PDS5A: variants seen among roughly 807,000 people sequenced by gnomAD.
PDS5A encodes sister chromatid cohesion protein PDS5 homolog A.
In PDS5A, 42 loss-of-function variants were observed where a neutral mutation model predicts 167.1. The ratio of observed to expected loss-of-function variants is 0.25; its 90% confidence interval spans 0.20 to 0.33. The LOEUF (loss-of-function observed/expected upper bound fraction) is 0.33. PDS5A is among the 10% of genes least tolerant of loss of function. PDS5A has a pLI of 1.00. For synonymous variants in PDS5A, 553 were observed against 554.6 expected, an observed-to-expected ratio of 1.00 and a Z score of 0.04; for missense variants, 1,033 against 1,605.9, an observed-to-expected ratio of 0.64 and a Z score of 6.10.
At chr4:39,972,258 A>G (rs1730618146) in intron 2 of PDS5A, among the ~76,000 whole-genome samples, 1 of 152,198 alleles carries the variant, frequency 6.6e-6, no homozygotes, top group East Asian at 1.9e-4. Context: ...GCGGTGGCTC[A>G]CGCCTGTAAT....
intron 2 of PDS5A, among the ~76,000 whole-genome samples, chr4:39,938,373 G>A (rs1264078918): frequency 6.6e-6 from 1 of 152,060 alleles, no homozygotes; most frequent in East Asian, 1.9e-4. Context: ...TGGCCAACAT[G>A]GTGAAAACCC....
At chr4:39,972,042 GTTGA>G (rs1730595771) in intron 2 of PDS5A, among the ~76,000 whole-genome samples, 1 of 152,126 alleles carries the variant, frequency 6.6e-6, no homozygotes, top group Non-Finnish European at 1.5e-5. Flanking sequence ...ATTGAAGTTG[GTTGA>G]TATGAACGTC....
chr4:39,947,611 TAAAAC>T (rs1727901626), intron 2 of PDS5A, among the ~76,000 whole-genome samples: 1 of 152,246 alleles, frequency 6.6e-6, no homozygotes. Context: ...CTAATAACCT[TAAAAC>T]AAACAAAAAA....
intron 21 of PDS5A, among the ~76,000 whole-genome samples, chr4:39,872,207 G>C: frequency 8.3e-6 from 1 of 120,390 alleles, no homozygotes. Context: ...ACAGAGTTTC[G>C]CTCTTGTTGT....
chr4:39,914,505 G>A (rs967568118), intron 8 of PDS5A, among the ~76,000 whole-genome samples: 10 of 151,996 alleles, frequency 6.6e-5, no homozygotes, highest in African/African-American at 1.9e-4. Flanking sequence ...TGGAGAATAC[G>A]ACACTACAGA....
At position 39,976,465 on chromosome 4, in the gene PDS5A, G is replaced by T. The variant is rs764060989; in HGVS notation, c.113C>A (p.Thr38Lys). ...GVKEITDKIT[T>K]DEMIKRLKMV... ...CTTCAGGCGTTTGATCATCTCGTCC[G>T]TGGTGATCTTGTCGGTGATCTCTTT... Residue 38 changes from threonine to lysine, a missense_variant, in exon 2 of 33, where the codon ACG becomes AAG. Thr to Lys is a moderately conservative substitution (Grantham distance 78, BLOSUM62 -1). Transcript: ENST00000303538. 7.4e-6 allele frequency: 12 copies of T among 1,613,322 alleles called. No homozygotes were observed. The highest frequency in any genetic ancestry group is 1.0e-5 in the Non-Finnish European group (12 of 1,179,426).
chr4:39,946,171 C>A (rs2109776756), intron 2 of PDS5A, among the ~76,000 whole-genome samples: 1 of 142,584 alleles, frequency 7.0e-6, no homozygotes. Context: ...CACATCACTG[C>A]ACTCAAACCT....
At chr4:39,896,718 A>G (rs770572855) in intron 16 of PDS5A, among the ~76,000 whole-genome samples, 34 of 151,938 alleles carry the variant, frequency 2.2e-4, no homozygotes, top group Middle Eastern at 3.4e-3. Flanking sequence ...GTGGGCCATG[A>G]TAACATCACT....
chr4:39,833,210 A>G (rs1197073429), intron 32 of PDS5A, among the ~76,000 whole-genome samples: 1 of 147,856 alleles, frequency 6.8e-6, no homozygotes, highest in African/African-American at 2.5e-5. Context: ...AAAAAAAAAA[A>G]AAAAAAGAAA....
At position 39,895,159 on chromosome 4, in the gene PDS5A, G is replaced by A. The variant is rs547741180; in HGVS notation, c.1770+3230C>T. Among the ~76,000 whole-genome samples the A allele has an allele frequency of 3.8e-5, 5 of 131,386 alleles. No individual in the cohort carries two copies. The South Asian group carries it at 1.3e-3, about 33-fold the overall frequency. The allele number at this position is 131,386 out of a possible 152,430, so 86.2% of individuals were successfully genotyped here. On this transcript the variant is annotated intron_variant, in intron 16 of 32. Coordinates refer to ENST00000303538, the MANE Select transcript of PDS5A (RefSeq NM_001100399.2). ...AGAGAACGCAGTGAGCCAAGATCGC[G>A]CCACTGCACTCCAGCTTGGGCGACA...
intron 16 of PDS5A, among the ~76,000 whole-genome samples, chr4:39,897,186 G>A (rs1358258189): frequency 6.6e-6 from 1 of 152,104 alleles, no homozygotes; most frequent in Non-Finnish European, 1.5e-5. Flanking sequence ...CTGAGGTAAG[G>A]AGTTCAAGAT....
At chr4:39,975,369 G>T (rs1433636637) in intron 2 of PDS5A, among the ~76,000 whole-genome samples, 1 of 152,170 alleles carries the variant, frequency 6.6e-6, no homozygotes, top group African/African-American at 2.4e-5. Flanking sequence ...TCATTAAAAT[G>T]CAACATTAGG....
chr4:39,975,567 C>G (rs1731010459), intron 2 of PDS5A, among the ~76,000 whole-genome samples: 1 of 152,154 alleles, frequency 6.6e-6, no homozygotes, highest in South Asian at 2.1e-4. Context: ...ATAGCCCTAC[C>G]TGAAGATTTC....
intron 11 of PDS5A, among the ~76,000 whole-genome samples, chr4:39,905,705 G>A (rs998984512): frequency 1.1e-4 from 16 of 152,064 alleles, no homozygotes; most frequent in Admixed American, 9.2e-4. Flanking sequence ...AATACAGGCA[G>A]TAAAAGACAC....
chr4:39,863,399 C>T lies in PDS5A; in HGVS notation c.2703G>A (p.Gln901=). 6.2e-7 allele frequency: 1 copy of T among 1,610,054 alleles called. No homozygotes were observed. The highest frequency in any genetic ancestry group is 2.2e-5 in the East Asian group (1 of 44,808). The change falls in exon 24 of 33, where the codon CAG becomes CAA. Residue 901 remains glutamine (Q), a synonymous_variant. Coordinates refer to ENST00000303538, the MANE Select transcript of PDS5A (RefSeq NM_001100399.2). ...AAGSAIMKLA[Q]EPCYHEIITP... ...TAATAATTTCATGGTAACAAGGTTC[C>T]TGAGCAAGCTTCATTATGGCACTAC...
At chr4:39,920,965 ATTAT>A (rs1480237919) in intron 6 of PDS5A, among the ~76,000 whole-genome samples, 2 of 152,164 alleles carry the variant, frequency 1.3e-5, no homozygotes, top group African/African-American at 2.4e-5. Flanking sequence ...TAGAAAATAT[ATTAT>A]TTAATTTTTT....
Position 39,823,499 on chromosome 4 carries a change from G to A in PDS5A, c.*1986C>T, listed in dbSNP as rs768643662. On this transcript the variant is annotated 3_prime_UTR_variant, in exon 33 of 33. Coordinates refer to ENST00000303538, the MANE Select transcript of PDS5A (RefSeq NM_001100399.2). The stretch of plus-strand genomic sequence containing the variant: ...CCGGGCAATTAATCAAAGGGAGGAA[G>A]AGACAAAGGTCCCTATCAATGCACT... 1 of 152,574 alleles carries A rather than the reference G, an allele frequency of 6.6e-6. No individual in the cohort carries two copies. The highest frequency in any genetic ancestry group is 6.6e-5 in the Admixed American group (1 of 15,256). The allele number at this position is 152,574 out of a possible 1,614,324, so 9.5% of individuals were successfully genotyped here.
chr4:39,972,911 T>G (rs112910005), intron 2 of PDS5A, among the ~76,000 whole-genome samples: 9 of 99,226 alleles, frequency 9.1e-5, no homozygotes, highest in Non-Finnish European at 2.4e-4. Flanking sequence ...TTTTGTGGGG[T>G]TTTTTTTGTT....
intron 17 of PDS5A, among the ~76,000 whole-genome samples, chr4:39,883,652 T>C (rs1470437613): frequency 2.0e-5 from 3 of 152,198 alleles, no homozygotes; most frequent in Non-Finnish European, 2.9e-5. Context: ...TTGTCTTTTT[T>C]TGAGACACAG....
Sources: allele counts gnomAD v4.1 joint callset (sites outside exome capture counted in the v4.1 genomes callset), GRCh38; gene constraint gnomAD v4.1.1; transcripts MANE v1.5; gene names NCBI Gene and HGNC (gene_info 2026-07-23, HGNC 2026-07-21).